Variants in TTC33 observed in about 807,000 individuals in gnomAD.
TTC33 encodes the protein tetratricopeptide repeat protein 33.
A neutral mutation model predicts 29.4 loss-of-function variants in TTC33; 24 were observed. That is an observed-to-expected ratio of 0.82 (90% CI 0.59 to 1.15). The LOEUF is 1.15. Among genes scored for constraint, TTC33 ranks in the 50% most tolerant of loss-of-function variants. TTC33 has a pLI of 0.00. For synonymous variants in TTC33, 107 were observed against 100.3 expected (o/e 1.07, Z -0.40); for missense variants, 286 against 310.4 (o/e 0.92, Z 0.59).
chr5:40,744,248 CTAACAT>C (rs1470137772), intron 2 of TTC33, among the ~76,000 whole-genome samples: 1 of 152,168 alleles, frequency 6.6e-6, no homozygotes, highest in Non-Finnish European at 1.5e-5. Flanking sequence ...AATTCACAAC[CTAACAT>C]TAGCTAGTTA....
chr5:40,739,164 A>G (rs181445050), intron 2 of TTC33, among the ~76,000 whole-genome samples: 1 of 152,350 alleles, frequency 6.6e-6, no homozygotes, highest in Non-Finnish European at 1.5e-5. Flanking sequence ...AAACACAGTT[A>G]AGGACTTAAA....
chr5:40,744,300 C>T lies in TTC33; in HGVS notation c.221+2498G>A, dbSNP rs548858108. Among the ~76,000 whole-genome samples the T allele has an allele frequency of 7.2e-5, 11 of 152,250 alleles. No homozygotes were observed. In the South Asian group the frequency reaches 2.3e-3, roughly 32 times the overall value. On this transcript the variant is annotated intron_variant, in intron 2 of 4. Transcript: ENST00000337702. The stretch of plus-strand genomic sequence containing the variant: ...TCTTGATTGCTATTTATTTTCCACC[C>T]TTTATTCCCAATTTGAGATGCTAGT...
rs1239295836 is a variant in TTC33 at position 40,712,474 on chromosome 5, G to C, written c.*3671C>G. On this transcript the variant is annotated 3_prime_UTR_variant, in exon 5 of 5. Coordinates refer to ENST00000337702, the MANE Select transcript of TTC33 (RefSeq NM_012382.3). ...TATTTTAAGTTTACTGCTGAAAAAGGCTAGGTTAGAGGATGTACTTTAAGT... is the reference window on the plus strand; with the variant it reads ...TATTTTAAGTTTACTGCTGAAAAAGCCTAGGTTAGAGGATGTACTTTAAGT... 2.0e-5 allele frequency among the ~76,000 whole-genome samples: 3 copies of C among 152,144 alleles called. No homozygotes were observed. The highest frequency in any genetic ancestry group is 4.8e-5 in the African/African-American group (2 of 41,440).
intron 3 of TTC33, 29 bp from the exon 4 acceptor site, chr5:40,728,505 G>A: frequency 1.3e-6 from 2 of 1,568,628 alleles, no homozygotes; most frequent in Non-Finnish European, 1.7e-6. Context: ...CAAAAAATCT[G>A]TCAGTAATAT....
intron 1 of TTC33, among the ~76,000 whole-genome samples, chr5:40,750,884 G>A (rs1343301066): frequency 6.6e-6 from 1 of 152,154 alleles, no homozygotes; most frequent in African/African-American, 2.4e-5. Flanking sequence ...TGAGATTGCA[G>A]GAATTCAGTC....
chr5:40,747,027 A>C lies in TTC33; in HGVS notation c.-1-8T>G, dbSNP rs765365333. 6 of 1,598,910 alleles carry C rather than the reference A, an allele frequency of 3.8e-6. No homozygotes were observed. Among genetic ancestry groups the C allele is most frequent in the Non-Finnish European group, 4.3e-6 (5 of 1,175,180 alleles). ...CACCCAAAGGAAGCCATTCTGGAAA[A>C]TTACAAAGAAACAGCTTTAAAATTC... On this transcript the variant is annotated splice_polypyrimidine_tract_variant and splice_region_variant and intron_variant, in intron 1 of 4. Transcript: ENST00000337702.
intron 2 of TTC33, among the ~76,000 whole-genome samples, chr5:40,733,690 C>A (rs991389985): frequency 6.6e-6 from 1 of 152,142 alleles, no homozygotes; most frequent in Admixed American, 6.5e-5. Flanking sequence ...AGCAAGCCTG[C>A]ACAATAAAGA....
chr5:40,721,295 C>A (rs1189023668), intron 4 of TTC33, among the ~76,000 whole-genome samples: 1 of 152,076 alleles, frequency 6.6e-6, no homozygotes, highest in Non-Finnish European at 1.5e-5. Flanking sequence ...AGTAAATGGA[C>A]AAAATCAATT....
Position 40,728,376 on chromosome 5 carries a change from C to A in TTC33, c.404G>T (p.Arg135Leu). 6.2e-7 allele frequency: 1 copy of A among 1,610,280 alleles called. No homozygotes were observed. The highest frequency in any genetic ancestry group is 8.5e-7 in the Non-Finnish European group (1 of 1,178,186). The change falls in exon 4 of 5, where the codon CGT (arginine) becomes CTT (leucine). Residue 135 changes from arginine to leucine, a missense_variant. Coordinates refer to ENST00000337702, the MANE Select transcript of TTC33 (RefSeq NM_012382.3). ...HSWESWQTLG[R>L]AQLGLGEIIL... ...TATCTCTCCTAAACCAAGTTGAGCA[C>A]GTCCCAAAGTCTGCCAAGACTCCCA...
intron 2 of TTC33, among the ~76,000 whole-genome samples, chr5:40,734,536 C>A (rs1279947598): frequency 6.6e-6 from 1 of 152,186 alleles, no homozygotes. Flanking sequence ...ATGCCCTATA[C>A]TGAGGTAAAG....
intron 1 of TTC33, among the ~76,000 whole-genome samples, chr5:40,748,761 A>AT (rs1432608320): frequency 3.9e-5 from 6 of 152,166 alleles, no homozygotes; most frequent in Admixed American, 6.5e-5. Context: ...ATGTGTTAAA[A>AT]TTTTCCATAA....
intron 2 of TTC33, among the ~76,000 whole-genome samples, chr5:40,736,066 G>A (rs1273447552): frequency 1.3e-5 from 2 of 152,222 alleles, no homozygotes; most frequent in African/African-American, 4.8e-5. Context: ...ATAAAAATGA[G>A]AGGACAATTT....
At chr5:40,755,090 G>C (rs1449081515) in intron 1 of TTC33, among the ~76,000 whole-genome samples, 1 of 152,130 alleles carries the variant, frequency 6.6e-6, no homozygotes, top group Non-Finnish European at 1.5e-5. Context: ...TTATATTTCA[G>C]GAATGGCATA....
In TTC33 at chr5:40,713,143, T is replaced by A. The variant is rs1258254813; in HGVS notation, c.*3002A>T. 1.3e-5 allele frequency among the ~76,000 whole-genome samples: 2 copies of A among 152,112 alleles called. No homozygotes were observed. Among genetic ancestry groups the A allele is most frequent in the Non-Finnish European group, 2.9e-5 (2 of 68,012 alleles). On this transcript the variant is annotated 3_prime_UTR_variant, in exon 5 of 5. Coordinates refer to ENST00000337702, the MANE Select transcript of TTC33 (RefSeq NM_012382.3). ...AGATATCCATTGATTTGAAGATAAT[T>A]ATTATGGAACTATGGTTCTTATGTC...
At position 40,755,450 on chromosome 5, in the gene TTC33, G is replaced by T. The variant is rs377614937; in HGVS notation, c.-2+374C>A. 1.8e-3 allele frequency among the ~76,000 whole-genome samples: 272 copies of T among 152,340 alleles called. 1 individual carries two copies. Among genetic ancestry groups the T allele is most frequent in the African/African-American group, 6.3e-3 (260 of 41,588 alleles). ...AAAGGCTGCCCCGGACGTCACCTGCGCGTTCACGGACCGCCCCGGGCCGCA... is the reference window on the plus strand; with the variant it reads ...AAAGGCTGCCCCGGACGTCACCTGCTCGTTCACGGACCGCCCCGGGCCGCA... On this transcript the variant is annotated intron_variant, in intron 1 of 4. Coordinates refer to ENST00000337702, the MANE Select transcript of TTC33 (RefSeq NM_012382.3).
chr5:40,738,648 A>AT (rs1260753520), intron 2 of TTC33, among the ~76,000 whole-genome samples: 1 of 151,842 alleles, frequency 6.6e-6, no homozygotes, highest in Non-Finnish European at 1.5e-5. Flanking sequence ...AGGTAAAGCT[A>AT]TTTTACATTT....
At chr5:40,718,445 T>C (rs985107383) in intron 4 of TTC33, among the ~76,000 whole-genome samples, 1 of 150,554 alleles carries the variant, frequency 6.6e-6, no homozygotes, top group South Asian at 2.1e-4. Context: ...GAGATAGGTA[T>C]ATAAAGCAGT....
At chr5:40,747,173 T>A (rs1419972059) in intron 1 of TTC33, among the ~76,000 whole-genome samples, 154 bp from the exon 2 acceptor site, 2 of 152,002 alleles carry the variant, frequency 1.3e-5, no homozygotes, top group Non-Finnish European at 2.9e-5. Context: ...TTCTCCTGCC[T>A]CAGCCTCCCG....
rs1309930055 is a variant in TTC33 at position 40,738,439 on chromosome 5, AAATAAAATACAATAC to A, written c.222-8111_222-8097del. Among the ~76,000 whole-genome samples, 628 of 119,802 alleles carry A rather than the reference AAATAAAATACAATAC, an allele frequency of 5.2e-3. 24 individuals are homozygous for A. Among genetic ancestry groups the A allele is most frequent in the African/African-American group, 7.7e-3 (224 of 29,168 alleles). 78.6% of individuals were successfully genotyped at this position (119,802 alleles called of 152,430 possible). The stretch of plus-strand genomic sequence containing the variant: ...CAAAAATAAAATAAAATAAAATATA[AAATAAAATACAATAC>A]AATACAATACAATACAATACAATAC... On this transcript the variant is annotated intron_variant, in intron 2 of 4. Coordinates refer to ENST00000337702, the MANE Select transcript of TTC33 (RefSeq NM_012382.3).
Sources: gnomAD v4.1 joint callset for allele counts (sites outside exome capture counted in the v4.1 genomes callset) on GRCh38, gnomAD v4.1.1 for gene constraint, MANE v1.5 for transcripts, NCBI Gene and HGNC (gene_info 2026-07-23, HGNC 2026-07-21) for gene names.